PALLD: variants seen among roughly 807,000 people sequenced by gnomAD.
PALLD encodes the protein palladin.
In PALLD, 61 loss-of-function variants were observed where a neutral mutation model predicts 123.5. That is an observed-to-expected ratio of 0.49 (90% confidence interval 0.40 to 0.61). The LOEUF is 0.61. Among genes scored for constraint, PALLD ranks in the 20% least tolerant of loss-of-function variants. PALLD has a pLI of 0.00. For synonymous variants in PALLD, 465 were observed against 496.4 expected, an observed-to-expected ratio of 0.94 and a Z score of 0.84; for missense variants, 1,273 against 1,377.0, an observed-to-expected ratio of 0.92 and a Z score of 1.20.
chr4:168,819,700 A>C (rs546383123), intron 10 of PALLD, among the ~76,000 whole-genome samples: 1 of 152,344 alleles, frequency 6.6e-6, no homozygotes, highest in Admixed American at 6.5e-5. Context: ...TCCAGGGAAA[A>C]TTAATTGCGA....
At chr4:168,906,705 G>A (rs1233013924) in intron 15 of PALLD, among the ~76,000 whole-genome samples, 2 of 152,162 alleles carry the variant, frequency 1.3e-5, no homozygotes, top group African/African-American at 2.4e-5. Context: ...GCTCACTGCA[G>A]CTTAGAACTC....
intron 2 of PALLD, among the ~76,000 whole-genome samples, chr4:168,635,417 T>A (rs1776243588): frequency 6.6e-6 from 1 of 152,232 alleles, no homozygotes; most frequent in Non-Finnish European, 1.5e-5. Flanking sequence ...CTATGTGGGC[T>A]ACCACAAACT....
rs1762598797 is a variant in PALLD, at chr4:168,512,348, G to A, written c.844G>A (p.Val282Ile). The A allele has an allele frequency of 6.2e-7, 1 of 1,614,144 alleles. No homozygotes were observed. Among genetic ancestry groups the A allele is most frequent in the South Asian group, 1.1e-5 (1 of 91,088 alleles). Residue 282 changes from valine (V) to isoleucine (I), a missense_variant, in exon 2 of 22, where the codon GTA becomes ATA. Physicochemically the swap from Val to Ile is conservative, Grantham distance 29. Coordinates refer to ENST00000505667, the MANE Select transcript of PALLD (RefSeq NM_001166108.2). ...CATCCAAAAGCTGAGGAGCCAAGAA[G>A]TAGCAGAAGGGAGCCGAGTTTATCT... ...RFIQKLRSQE[V>I]AEGSRVYLEC...
At chr4:168,502,774 C>T (rs1761553758) in intron 1 of PALLD, among the ~76,000 whole-genome samples, 1 of 152,134 alleles carries the variant, frequency 6.6e-6, no homozygotes, top group Admixed American at 6.6e-5. Flanking sequence ...CCTGACGATG[C>T]ACACGCGTAG....
chr4:168,543,796 T>C (rs141579495), intron 2 of PALLD, among the ~76,000 whole-genome samples: 156 of 152,294 alleles, frequency 1.0e-3, no homozygotes, highest in African/African-American at 3.6e-3. Flanking sequence ...CTGCATTTCA[T>C]TGCTAAAGTC....
chr4:168,600,444 G>T (rs529500478), intron 2 of PALLD, among the ~76,000 whole-genome samples: 2 of 152,200 alleles, frequency 1.3e-5, no homozygotes, highest in East Asian at 3.9e-4. Context: ...GACTTCTCAT[G>T]CTTAAATTAC....
chr4:168,707,509 C>T (rs1015590444), intron 8 of PALLD, among the ~76,000 whole-genome samples: 1 of 152,190 alleles, frequency 6.6e-6, no homozygotes, highest in Non-Finnish European at 1.5e-5. Flanking sequence ...GCCTTGTTCA[C>T]CTAAGGGTTC....
chr4:168,880,259 T>C (rs1752427205), intron 10 of PALLD, among the ~76,000 whole-genome samples: 1 of 152,210 alleles, frequency 6.6e-6, no homozygotes, highest in East Asian at 1.9e-4. Context: ...GGAGTCAAAA[T>C]AGCTTATAAT....
At chr4:168,588,136 G>C (rs539150657) in intron 2 of PALLD, among the ~76,000 whole-genome samples, 1 of 152,148 alleles carries the variant, frequency 6.6e-6, no homozygotes, top group Admixed American at 6.5e-5. Context: ...GTGAGATTGA[G>C]AGCCACTGCT....
intron 10 of PALLD, among the ~76,000 whole-genome samples, chr4:168,860,281 C>T (rs1010234241): frequency 3.9e-5 from 6 of 152,216 alleles, no homozygotes; most frequent in African/African-American, 1.4e-4. Context: ...GATCTGTTGA[C>T]ACCAGACCCT....
intron 14 of PALLD, among the ~76,000 whole-genome samples, chr4:168,900,225 G>T (rs997804913): frequency 3.3e-5 from 5 of 152,084 alleles, no homozygotes; most frequent in Admixed American, 1.3e-4. Flanking sequence ...CTCCCGCCAG[G>T]CCCCACCTCC....
At chr4:168,609,133 T>C (rs1773482667) in intron 2 of PALLD, among the ~76,000 whole-genome samples, 2 of 152,036 alleles carry the variant, frequency 1.3e-5, no homozygotes, top group Non-Finnish European at 2.9e-5. Context: ...CGGGTCAAGA[T>C]ACATATTAGC....
At chr4:168,738,626 T>C (rs1030365198) in intron 10 of PALLD, among the ~76,000 whole-genome samples, 3 of 148,110 alleles carry the variant, frequency 2.0e-5, no homozygotes, top group African/African-American at 7.6e-5. Context: ...AGACGGGGTT[T>C]CACCATGTTG....
chr4:168,566,657 G>A (rs903989232), intron 2 of PALLD, among the ~76,000 whole-genome samples: 2 of 152,126 alleles, frequency 1.3e-5, no homozygotes, highest in African/African-American at 2.4e-5. Context: ...AAGAGTCCAT[G>A]AAGATACAAA....
At chr4:168,777,697 A>G (rs1735361596) in intron 10 of PALLD, among the ~76,000 whole-genome samples, 1 of 152,186 alleles carries the variant, frequency 6.6e-6, no homozygotes, top group African/African-American at 2.4e-5. Flanking sequence ...TGATATATCC[A>G]GAAAATACTT....
intron 10 of PALLD, among the ~76,000 whole-genome samples, chr4:168,736,806 T>A (rs1787803457): frequency 6.6e-6 from 1 of 151,938 alleles, no homozygotes; most frequent in South Asian, 2.1e-4. Flanking sequence ...TTCCAATTGC[T>A]AGTGACCTCA....
intron 10 of PALLD, among the ~76,000 whole-genome samples, chr4:168,789,996 T>C (rs1249087576): frequency 6.6e-6 from 1 of 152,108 alleles, no homozygotes; most frequent in Non-Finnish European, 1.5e-5. Flanking sequence ...TTAAGTTGTG[T>C]AAAAACAAGA....
At chr4:168,851,524 C>T (rs913127411) in intron 10 of PALLD, among the ~76,000 whole-genome samples, 8 of 152,098 alleles carry the variant, frequency 5.3e-5, no homozygotes, top group Admixed American at 1.3e-4. Flanking sequence ...AGCACCACCT[C>T]GCCCAGCTAA....
At chr4:168,853,633 G>C (rs1221121803) in intron 10 of PALLD, among the ~76,000 whole-genome samples, 1 of 152,072 alleles carries the variant, frequency 6.6e-6, no homozygotes, top group East Asian at 1.9e-4. Context: ...AGGAGGAATC[G>C]CACATTGAAG....
Sources: allele counts gnomAD v4.1 joint callset (sites outside exome capture counted in the v4.1 genomes callset), GRCh38; gene constraint gnomAD v4.1.1; transcripts MANE v1.5; gene names NCBI Gene and HGNC (gene_info 2026-07-23, HGNC 2026-07-21).